The following TNFSF8 variants were observed in gnomAD, a reference collection of about 807,000 sequenced individuals.
TNFSF8 encodes tumor necrosis factor ligand superfamily member 8.
In TNFSF8, 4 loss-of-function variants were observed where a neutral mutation model predicts 22.0. That is an observed-to-expected ratio of 0.18 (90% CI 0.09 to 0.42). The LOEUF (loss-of-function observed/expected upper bound fraction) is 0.42, where lower values mean the gene tolerates loss of function less well. Ranked by LOEUF, TNFSF8 falls within the 10% of genes least tolerant of loss-of-function variation. The pLI is 1.00. For missense variants in TNFSF8, 233 were observed against 281.8 expected (o/e 0.83, Z 1.24); for synonymous variants, 106 against 112.5 (o/e 0.94, Z 0.37).
intron 1 of TNFSF8, among the ~76,000 whole-genome samples, chr9:114,922,905 G>A (rs1396422626): frequency 6.6e-6 from 1 of 152,032 alleles, no homozygotes; most frequent in Non-Finnish European, 1.5e-5. Flanking sequence ...TGAGCATCCA[G>A]GTGATGCCAA....
intron 1 of TNFSF8, among the ~76,000 whole-genome samples, chr9:114,926,959 CAT>C (rs1283968211): frequency 1.4e-5 from 2 of 141,872 alleles, no homozygotes; most frequent in African/African-American, 5.1e-5. Flanking sequence ...TATTAAATAA[CAT>C]AAAATATTAT....
At chr9:114,916,779 C>T (rs1183409898) in intron 2 of TNFSF8, among the ~76,000 whole-genome samples, 2 of 152,204 alleles carry the variant, frequency 1.3e-5, no homozygotes, top group East Asian at 1.9e-4. Context: ...CTCAGCACTA[C>T]AACAGCAGAG....
chr9:114,903,846 AG>A lies in TNFSF8; in HGVS notation c.*84del. 1 of 1,518,664 alleles carries A rather than the reference AG, an allele frequency of 6.6e-7. No homozygotes were observed. Among genetic ancestry groups the A allele is most frequent in the Admixed American group, 2.3e-5 (1 of 44,256 alleles). 94.1% of individuals were successfully genotyped at this position (1,518,664 alleles called of 1,614,324 possible). A position where few individuals can be genotyped will look rare whatever the true frequency, so the allele number is the denominator to read the frequency against. On this transcript the variant is annotated 3_prime_UTR_variant, in exon 4 of 4. Coordinates refer to ENST00000223795, the MANE Select transcript of TNFSF8 (RefSeq NM_001244.4). ...CCCTGTGTAGTTTGTCTTGGTCTAA[AG>A]TTTTCTTTTTGCCCAAGTGTTTGGA...
chr9:114,901,072 C>G, downstream of TNFSF8: 1 of 984,978 alleles, frequency 1.0e-6, no homozygotes, highest in Middle Eastern at 5.2e-4. Context: ...AGGTGGGGTT[C>G]AGAGGGTAGG....
downstream of TNFSF8, among the ~76,000 whole-genome samples, chr9:114,899,278 T>C (rs1444261350): frequency 6.6e-6 from 1 of 152,018 alleles, no homozygotes; most frequent in Non-Finnish European, 1.5e-5. Flanking sequence ...GAATAGTATT[T>C]TGGAAATGTG....
In TNFSF8 at chr9:114,905,696, C is replaced by A. The variant is rs189990826; in HGVS notation, c.310+132G>T. 39 of 734,828 alleles carry A rather than the reference C, an allele frequency of 5.3e-5. No homozygotes were observed. In the African/African-American group the frequency reaches 6.6e-4, roughly 12 times the overall value. The allele number at this position is 734,828 out of a possible 1,614,324, so 45.5% of individuals were successfully genotyped here. ...ATTCAAATTACAAAAAAATTTCCTG[C>A]AGACTAAACAGTACACATCTGCAGG... On this transcript the variant is annotated intron_variant, in intron 3 of 3. Coordinates refer to ENST00000223795, the MANE Select transcript of TNFSF8 (RefSeq NM_001244.4).
At chr9:114,924,723 ACTC>A (rs1366867967) in intron 1 of TNFSF8, among the ~76,000 whole-genome samples, 1 of 151,952 alleles carries the variant, frequency 6.6e-6, no homozygotes, top group African/African-American at 2.4e-5. Flanking sequence ...TCTTCTACAA[ACTC>A]CTCCTTCATC....
chr9:114,917,618 A>G (rs1251877450), intron 2 of TNFSF8, among the ~76,000 whole-genome samples: 2 of 152,172 alleles, frequency 1.3e-5, no homozygotes, highest in Non-Finnish European at 2.9e-5. Context: ...TTTAGCTATT[A>G]CTAGTTATTT....
At chr9:114,893,766 T>C (rs1827628554) in exon 5 of TNFSF8, 2 of 259,510 alleles carry the variant, frequency 7.7e-6, no homozygotes, top group Admixed American at 9.8e-5. Flanking sequence ...GAGTGGGGTT[T>C]TCCCCTGAAG....
chr9:114,906,117 T>A (rs1827781979), intron 2 of TNFSF8, among the ~76,000 whole-genome samples: 1 of 152,230 alleles, frequency 6.6e-6, no homozygotes, highest in Non-Finnish European at 1.5e-5. Context: ...CTTGGACTTT[T>A]ATGGAAGACT....
chr9:114,924,898 G>C (rs1587940877), intron 1 of TNFSF8, among the ~76,000 whole-genome samples: 1 of 152,146 alleles, frequency 6.6e-6, no homozygotes, highest in Non-Finnish European at 1.5e-5. Flanking sequence ...ACCTCACACA[G>C]GGCTCGCTCC....
chr9:114,912,492 C>T (rs533189515), intron 2 of TNFSF8, among the ~76,000 whole-genome samples: 4 of 152,186 alleles, frequency 2.6e-5, no homozygotes, highest in Non-Finnish European at 2.9e-5. Flanking sequence ...GGGGTTCAAG[C>T]GATTCTCCTG....
In TNFSF8 at chr9:114,918,078, C is replaced by A; in HGVS notation, c.238+18G>T. ...TAGATGACTTACTACACATTTACAC[C>A]TAATTCCAAGATCTTACCTCCTTTG... On this transcript the variant is annotated intron_variant, in intron 2 of 3. Transcript: ENST00000223795. 6.3e-7 allele frequency: 1 copy of A among 1,595,490 alleles called. No individual in the cohort carries two copies. The highest frequency in any genetic ancestry group is 1.1e-5 in the South Asian group (1 of 87,370).
At chr9:114,908,186 C>T (rs1166314917) in intron 2 of TNFSF8, among the ~76,000 whole-genome samples, 1 of 152,206 alleles carries the variant, frequency 6.6e-6, no homozygotes, top group Non-Finnish European at 1.5e-5. Flanking sequence ...GGCAGAGACT[C>T]CTGTTTATAA....
chr9:114,903,229 G>T lies in TNFSF8; in HGVS notation c.*702C>A, dbSNP rs965248462. The T allele has an allele frequency of 6.6e-6, 1 of 152,234 alleles. No individual in the cohort carries two copies. Among genetic ancestry groups the T allele is most frequent in the African/African-American group, 2.4e-5 (1 of 41,450 alleles). 9.4% of individuals were successfully genotyped at this position (152,234 alleles called of 1,614,324 possible). On this transcript the variant is annotated 3_prime_UTR_variant, in exon 4 of 4. Transcript: ENST00000223795. ...TCTGTAAGTAAAAGTCTTTGAACTTGTTTTCCATTGTGGTGGTGTATTAAA... is the reference window on the plus strand; with the variant it reads ...TCTGTAAGTAAAAGTCTTTGAACTTTTTTTCCATTGTGGTGGTGTATTAAA...
intron 3 of TNFSF8, among the ~76,000 whole-genome samples, chr9:114,904,735 G>A (rs1827764222): frequency 6.6e-6 from 1 of 152,114 alleles, no homozygotes; most frequent in South Asian, 2.1e-4. Context: ...CATTGCAAAA[G>A]GTATCAGAGA....
At position 114,901,447 on chromosome 9, in the gene TNFSF8, T is replaced by G. The variant is rs986137818; in HGVS notation, c.*2484A>C. On this transcript the variant is annotated 3_prime_UTR_variant, in exon 4 of 4. Transcript: ENST00000223795. Reference sequence around the variant, plus strand: ...TTAGAAACCACTCACAGTGCAAAAGTCAGGTACCTCTGCTCAGAGAACAGT... The same window carrying G: ...TTAGAAACCACTCACAGTGCAAAAGGCAGGTACCTCTGCTCAGAGAACAGT... 7.1e-6 allele frequency: 7 copies of G among 985,296 alleles called. No homozygotes were observed. The highest frequency in any genetic ancestry group is 8.4e-6 in the Non-Finnish European group (7 of 829,936). 61.0% of individuals were successfully genotyped at this position (985,296 alleles called of 1,614,324 possible).
intron 2 of TNFSF8, among the ~76,000 whole-genome samples, chr9:114,908,833 T>A (rs910838783): frequency 2.0e-5 from 3 of 152,048 alleles, no homozygotes; most frequent in Admixed American, 1.3e-4. Flanking sequence ...CTAGAGGAGC[T>A]ATTGAGGGAA....
exon 5 of TNFSF8, chr9:114,893,964 C>T: frequency 1.2e-6 from 1 of 816,670 alleles, no homozygotes; most frequent in Non-Finnish European, 2.0e-6. Flanking sequence ...CGTTTCCTGG[C>T]TATGTCGGTT....
Sources: gnomAD v4.1 joint callset for allele counts (sites outside exome capture counted in the v4.1 genomes callset) on GRCh38, gnomAD v4.1.1 for gene constraint, MANE v1.5 for transcripts, NCBI Gene and HGNC (gene_info 2026-07-23, HGNC 2026-07-21) for gene names.